Variants in RTL9 observed in about 807,000 individuals in gnomAD.
RTL9 encodes the protein retrotransposon Gag like 9, also known as retrotransposon Gag-like protein 9.
A neutral mutation model predicts 44.7 loss-of-function variants in RTL9; 19 were observed. The ratio of observed to expected loss-of-function variants is 0.42; its 90% CI spans 0.30 to 0.62. RTL9 has a LOEUF of 0.62. Ranked by LOEUF, RTL9 falls within the 20% of genes least tolerant of loss-of-function variation. The probability of loss-of-function intolerance (pLI) is 0.16; values close to 1 mark genes in which losing one functional copy is unlikely to be tolerated. For missense variants in RTL9, 1,105 were observed against 1,080.6 expected (o/e 1.02, Z -0.32); for synonymous variants, 407 against 398.9 (o/e 1.02, Z -0.24).
At chrX:110,449,520 T>A (rs1430387855), upstream of RTL9, among the ~76,000 whole-genome samples, 2 of 112,678 alleles carry the variant, frequency 1.8e-5, no homozygotes, top group Non-Finnish European at 3.8e-5. Context: ...TTCCAAGCCG[T>A]GTGTCCAAAA....
chrX:110,387,857 C>CTTTTTTTT (rs57937918), intron 1 of RTL9, among the ~76,000 whole-genome samples: 2 of 82,800 alleles, frequency 2.4e-5, no homozygotes, highest in African/African-American at 5.3e-5. Flanking sequence ...CTCCCTCTCT[C>CTTTTTTTT]TTTTTTTTTT....
At chrX:110,367,165 A>G (rs1207248342) in intron 1 of RTL9, among the ~76,000 whole-genome samples, 1 of 111,505 alleles carries the variant, frequency 9.0e-6, no homozygotes, top group Admixed American at 9.5e-5. Flanking sequence ...CAAGTCATTC[A>G]CTCTTCCCTC....
chrX:110,369,768 A>T (rs905018997), intron 1 of RTL9, among the ~76,000 whole-genome samples: 3 of 111,743 alleles, frequency 2.7e-5, no homozygotes, highest in Non-Finnish European at 5.6e-5. Flanking sequence ...TGTACACACT[A>T]TTTTTTATAT....
intron 1 of RTL9, among the ~76,000 whole-genome samples, chrX:110,405,718 A>G (rs1422502430): frequency 1.8e-5 from 2 of 111,594 alleles, no homozygotes; most frequent in East Asian, 2.8e-4. Flanking sequence ...AGGTATTGCT[A>G]TTACCCTCAA....
chrX:110,384,017 A>G (rs1254492715), intron 1 of RTL9, among the ~76,000 whole-genome samples: 1 of 112,137 alleles, frequency 8.9e-6, no homozygotes, highest in Admixed American at 9.5e-5. Flanking sequence ...AACCTGACAC[A>G]TTGCAAATGT....
chrX:110,429,703 A>T (rs191810884), intron 1 of RTL9, among the ~76,000 whole-genome samples: 36 of 110,311 alleles, frequency 3.3e-4, no homozygotes, highest in African/African-American at 1.1e-3. Flanking sequence ...GCTGGTCTTG[A>T]ACTCCTGACC....
chrX:110,400,812 CTATTT>C (rs2068559293), intron 1 of RTL9, among the ~76,000 whole-genome samples: 1 of 111,380 alleles, frequency 9.0e-6, no homozygotes, highest in Non-Finnish European at 1.9e-5. Flanking sequence ...AGAACAGGGA[CTATTT>C]TATTTATGTC....
intron 1 of RTL9, among the ~76,000 whole-genome samples, chrX:110,423,163 A>G (rs2068729971): frequency 9.0e-6 from 1 of 110,983 alleles, no homozygotes; most frequent in Non-Finnish European, 1.9e-5. Context: ...CCCTGTCCCT[A>G]CTAAAAATAC....
At chrX:110,419,424 C>T (rs752566300) in intron 1 of RTL9, among the ~76,000 whole-genome samples, 1 of 112,574 alleles carries the variant, frequency 8.9e-6, no homozygotes, top group African/African-American at 3.2e-5. Context: ...TAGATGCCTC[C>T]TGTTCCTCTC....
intron 1 of RTL9, among the ~76,000 whole-genome samples, chrX:110,443,340 T>C (rs1284903217): frequency 9.0e-6 from 1 of 111,463 alleles, no homozygotes; most frequent in Non-Finnish European, 1.9e-5. Flanking sequence ...CAGACCTATA[T>C]TGAATCTGAC....
chrX:110,433,467 T>C (rs1160960020), intron 1 of RTL9, among the ~76,000 whole-genome samples: 1 of 110,836 alleles, frequency 9.0e-6, no homozygotes, highest in East Asian at 2.8e-4. Flanking sequence ...CTAGGAAGGG[T>C]AATGAGGAAG....
At chrX:110,440,519 C>T (rs1410858330) in intron 1 of RTL9, among the ~76,000 whole-genome samples, 2 of 111,713 alleles carry the variant, frequency 1.8e-5, no homozygotes, top group Admixed American at 1.9e-4. Flanking sequence ...CTTCTTGTTT[C>T]CAACTTGCTG....
chrX:110,362,691 T>G (rs1369789104), intron 1 of RTL9, among the ~76,000 whole-genome samples: 1 of 112,082 alleles, frequency 8.9e-6, no homozygotes, highest in African/African-American at 3.2e-5. Context: ...TTACCAGTTC[T>G]TACTGACTGT....
intron 1 of RTL9, among the ~76,000 whole-genome samples, chrX:110,374,635 C>CG (rs2068363168): frequency 8.9e-6 from 1 of 111,828 alleles, no homozygotes; most frequent in Non-Finnish European, 1.9e-5. Context: ...GGTGAGATCA[C>CG]TGAGAGCTAG....
intron 1 of RTL9, among the ~76,000 whole-genome samples, chrX:110,412,739 A>G (rs1188451981): frequency 8.9e-6 from 1 of 112,468 alleles, no homozygotes; most frequent in Admixed American, 9.4e-5. Context: ...CTGATGTGCA[A>G]TGATATCTCC....
chrX:110,389,304 T>G (rs760680409), intron 1 of RTL9, among the ~76,000 whole-genome samples: 2 of 112,839 alleles, frequency 1.8e-5, no homozygotes, highest in Non-Finnish European at 3.7e-5. Flanking sequence ...TTGTAAAATG[T>G]TGTTTAGGAA....
chrX:110,367,971 CTAA>C (rs1452435410), intron 1 of RTL9, among the ~76,000 whole-genome samples: 8 of 66,064 alleles, frequency 1.2e-4, no homozygotes, highest in Middle Eastern at 7.6e-3. Context: ...ACAGTGCTGG[CTAA>C]TTATTATTAT....
chrX:110,380,048 G>A (rs1188365650), intron 1 of RTL9, among the ~76,000 whole-genome samples: 1 of 111,730 alleles, frequency 9.0e-6, no homozygotes, highest in Non-Finnish European at 1.9e-5. Context: ...TTGAAACACA[G>A]GTCTGATTCC....
At chrX:110,376,178 C>T (rs1324620469) in intron 1 of RTL9, among the ~76,000 whole-genome samples, 1 of 111,278 alleles carries the variant, frequency 9.0e-6, no homozygotes. Context: ...TTCTTTACAC[C>T]ATAAGGATGC....
Sources: gnomAD v4.1 joint callset for allele counts (sites outside exome capture counted in the v4.1 genomes callset) on GRCh38, gnomAD v4.1.1 for gene constraint, MANE v1.5 for transcripts, NCBI Gene and HGNC (gene_info 2026-07-23, HGNC 2026-07-21) for gene names.